ANTXR2: variants seen among roughly 807,000 people sequenced by gnomAD.
The protein encoded by ANTXR2 is anthrax toxin receptor 2.
ANTXR2 carries 44 observed loss-of-function variants against 73.7 expected under a neutral mutation model. The observed-to-expected ratio is 0.60, with a 90% CI of 0.47 to 0.77. The LOEUF (loss-of-function observed/expected upper bound fraction) is 0.77. ANTXR2 is among the 30% of genes least tolerant of loss of function. The pLI, the probability that ANTXR2 is intolerant of heterozygous loss-of-function variation, is 0.00. For missense variants in ANTXR2, 604 were observed against 592.5 expected (o/e 1.02, Z -0.20); for synonymous variants, 217 against 205.9 (o/e 1.05, Z -0.46).
At chr4:80,041,144 T>C (rs1174585429) in intron 7 of ANTXR2, among the ~76,000 whole-genome samples, 3 of 152,176 alleles carry the variant, frequency 2.0e-5, no homozygotes, top group African/African-American at 7.2e-5. Context: ...ATGAGGAAAC[T>C]GGGGCTTAGA....
intron 12 of ANTXR2, among the ~76,000 whole-genome samples, chr4:79,987,044 A>T (rs1198996535): frequency 2.6e-5 from 4 of 152,232 alleles, no homozygotes; most frequent in South Asian, 2.1e-4. Flanking sequence ...GTGAACACAG[A>T]TGAGAAAGAA....
intron 10 of ANTXR2, among the ~76,000 whole-genome samples, chr4:80,028,824 T>C (rs1284569946): frequency 6.6e-6 from 1 of 152,140 alleles, no homozygotes; most frequent in Non-Finnish European, 1.5e-5. Flanking sequence ...GCTCATCACC[T>C]ACAAAAGTGT....
intron 3 of ANTXR2, among the ~76,000 whole-genome samples, chr4:80,068,848 T>C (rs1012739249): frequency 1.3e-5 from 2 of 152,120 alleles, no homozygotes; most frequent in Non-Finnish European, 2.9e-5. Context: ...GACACAGAAA[T>C]GGTCATATGA....
At chr4:79,962,161 A>G (rs918956096) in intron 16 of ANTXR2, among the ~76,000 whole-genome samples, 1 of 152,200 alleles carries the variant, frequency 6.6e-6, no homozygotes, top group Non-Finnish European at 1.5e-5. Flanking sequence ...ATCAAAAAGC[A>G]TTCTATTTCA....
At chr4:79,915,860 C>CTATATATATATATATATA (rs775665680) in intron 16 of ANTXR2, among the ~76,000 whole-genome samples, 4 of 121,916 alleles carry the variant, frequency 3.3e-5, no homozygotes, top group African/African-American at 1.2e-4. Flanking sequence ...CTCTCTCTCT[C>CTATATATATATATATATA]TCTATATATA....
At chr4:79,964,091 ATGTACTTGACGAG>A (rs1168221022) in intron 16 of ANTXR2, among the ~76,000 whole-genome samples, 12 of 152,178 alleles carry the variant, frequency 7.9e-5, no homozygotes, top group Non-Finnish European at 1.5e-4. Flanking sequence ...CAAATGGTGG[ATGTACTTGACGAG>A]TGTTACTAGG....
At chr4:80,047,198 A>T (rs988614887) in intron 7 of ANTXR2, among the ~76,000 whole-genome samples, 2 of 151,440 alleles carry the variant, frequency 1.3e-5, no homozygotes, top group African/African-American at 2.4e-5. Context: ...TCCCAACCAA[A>T]TTTTTTTTAA....
intron 16 of ANTXR2, among the ~76,000 whole-genome samples, chr4:79,918,661 T>A (rs1168602970): frequency 6.6e-6 from 1 of 152,076 alleles, no homozygotes; most frequent in East Asian, 1.9e-4. Flanking sequence ...AGATCATTTA[T>A]CCACAATAGC....
chr4:79,935,572 G>A (rs1374268569), intron 16 of ANTXR2, among the ~76,000 whole-genome samples: 2 of 152,140 alleles, frequency 1.3e-5, no homozygotes, highest in African/African-American at 4.8e-5. Context: ...TTTAACTAGG[G>A]TGAAGCCTGA....
intron 11 of ANTXR2, among the ~76,000 whole-genome samples, chr4:80,011,726 T>C (rs1731594758): frequency 1.3e-5 from 2 of 152,210 alleles, no homozygotes; most frequent in South Asian, 4.1e-4. Context: ...TTCCCCAATA[T>C]GTTTATAAAG....
Position 80,072,628 on chromosome 4 carries a change from G to T in ANTXR2, c.-68C>A. The T allele has an allele frequency of 7.3e-7, 1 of 1,378,824 alleles. No homozygotes were observed. The highest frequency in any genetic ancestry group is 2.7e-4 in the Middle Eastern group (1 of 3,762). 85.4% of individuals were successfully genotyped at this position (1,378,824 alleles called of 1,614,324 possible). A position where few individuals can be genotyped will look rare whatever the true frequency, so the allele number is the denominator to read the frequency against. On this transcript the variant is annotated 5_prime_UTR_variant, in exon 1 of 17. Transcript: ENST00000403729. ...CTAAGCTCAGGAGGGTCGCAAAGGT[G>T]GCGGGAGTCACCCGGCACGCACTCT... is the stretch of plus-strand genomic sequence containing the variant.
intron 11 of ANTXR2, among the ~76,000 whole-genome samples, chr4:80,014,827 GGAAAGTAGGA>G (rs1181349003): frequency 6.6e-6 from 1 of 152,050 alleles, no homozygotes; most frequent in African/African-American, 2.4e-5. Flanking sequence ...CCTCCTATTA[GGAAAGTAGGA>G]GAAAGTTTAC....
chr4:80,053,991 C>G (rs1364962140), intron 7 of ANTXR2, among the ~76,000 whole-genome samples: 3 of 151,666 alleles, frequency 2.0e-5, no homozygotes, highest in African/African-American at 7.3e-5. Flanking sequence ...AGACAGTTAA[C>G]TCCAGAATCA....
rs148718454 is a variant in ANTXR2, at chr4:80,040,970, A to T, written c.637-4938T>A. Reference sequence around the variant, plus strand: ...AAAAGTCAAATTTTCTAAATTAAGTACAAGTATCAGTAGTCCAAAATTCAA... The same window carrying T: ...AAAAGTCAAATTTTCTAAATTAAGTTCAAGTATCAGTAGTCCAAAATTCAA... On this transcript the variant is annotated intron_variant, in intron 7 of 16. Transcript: ENST00000403729. 1.7e-3 allele frequency among the ~76,000 whole-genome samples: 266 copies of T among 152,250 alleles called. 1 individual carries two copies. The highest frequency in any genetic ancestry group is 6.2e-3 in the African/African-American group (257 of 41,574).
rs555082739 is a variant in ANTXR2 at position 79,902,091 on chromosome 4, C to G, written c.*5338G>C. 1 of 152,216 alleles carries G rather than the reference C, an allele frequency of 6.6e-6. No individual in the cohort carries two copies. Among genetic ancestry groups the G allele is most frequent in the South Asian group, 2.1e-4 (1 of 4,818 alleles). The allele number at this position is 152,216 out of a possible 1,614,324, so 9.4% of individuals were successfully genotyped here. A position where few individuals can be genotyped will look rare whatever the true frequency, so the allele number is the denominator to read the frequency against. On this transcript the variant is annotated 3_prime_UTR_variant, in exon 17 of 17. Transcript: ENST00000403729. ...TTATTTCTAGTCAAACTGAAACCTA[C>G]TTAAATGTACATTTTAATAACTTTA...
intron 16 of ANTXR2, among the ~76,000 whole-genome samples, chr4:79,922,402 C>T (rs979024430): frequency 6.6e-5 from 10 of 151,990 alleles, no homozygotes; most frequent in Non-Finnish European, 1.3e-4. Flanking sequence ...CACTCCTAGT[C>T]TAAACAACTT....
At chr4:79,957,040 T>C (rs1352353196) in intron 16 of ANTXR2, among the ~76,000 whole-genome samples, 2 of 152,116 alleles carry the variant, frequency 1.3e-5, no homozygotes, top group Non-Finnish European at 2.9e-5. Context: ...ATATCACATA[T>C]AATATGACCT....
intron 3 of ANTXR2, among the ~76,000 whole-genome samples, chr4:80,062,172 C>A (rs189827353): frequency 6.6e-6 from 1 of 152,230 alleles, no homozygotes; most frequent in East Asian, 1.9e-4. Context: ...AGAGTCCAGA[C>A]CAGCAAATCC....
rs895785022 is a variant in ANTXR2, at chr4:79,907,126, C to T, written c.*303G>A. The T allele has an allele frequency of 1.5e-5, 6 of 407,124 alleles. No individual in the cohort carries two copies. In the Admixed American group the frequency reaches 2.4e-4, roughly 16 times the overall value. 25.2% of individuals were successfully genotyped at this position (407,124 alleles called of 1,614,324 possible). A position where few individuals can be genotyped will look rare whatever the true frequency, so the allele number is the denominator to read the frequency against. On this transcript the variant is annotated 3_prime_UTR_variant, in exon 17 of 17. Coordinates refer to ENST00000403729, the MANE Select transcript of ANTXR2 (RefSeq NM_058172.6). ...GCTGTTGTTGCTTTTTCCTCTTCTA[C>T]ACATTCAAACAAACTTTCTTGTACA... is the stretch of plus-strand genomic sequence containing the variant.
Sources: gnomAD v4.1 joint callset for allele counts (sites outside exome capture counted in the v4.1 genomes callset) on GRCh38, gnomAD v4.1.1 for gene constraint, MANE v1.5 for transcripts, NCBI Gene and HGNC (gene_info 2026-07-23, HGNC 2026-07-21) for gene names.